FAF1: variants seen among roughly 807,000 people sequenced by gnomAD.
FAF1 encodes Fas associated factor 1, also known as FAS-associated factor 1.
A neutral mutation model predicts 92.5 loss-of-function variants in FAF1; 25 were observed. The observed-to-expected ratio is 0.27, with a 90% confidence interval of 0.20 to 0.38. The LOEUF (loss-of-function observed/expected upper bound fraction) is 0.38, where lower values mean the gene tolerates loss of function less well. FAF1 is among the 10% of genes least tolerant of loss of function. FAF1 has a pLI of 1.00. For missense variants in FAF1, 636 were observed against 793.3 expected (o/e 0.80, Z 2.38); for synonymous variants, 234 against 273.2 (o/e 0.86, Z 1.42).
chr1:50,869,883 T>C (rs1479893256), intron 1 of FAF1, among the ~76,000 whole-genome samples: 3 of 152,230 alleles, frequency 2.0e-5, no homozygotes, highest in Admixed American at 1.3e-4. Context: ...TTGTTAGTTC[T>C]ATGATTTTGG....
chr1:50,916,740 A>G (rs894607100), intron 1 of FAF1, among the ~76,000 whole-genome samples: 1 of 152,262 alleles, frequency 6.6e-6, no homozygotes, highest in Admixed American at 6.5e-5. Context: ...TTAGGGAAAC[A>G]TAGAAATGAA....
intron 15 of FAF1, among the ~76,000 whole-genome samples, chr1:50,530,374 TA>T (rs1291652679): frequency 6.6e-6 from 1 of 151,806 alleles, no homozygotes; most frequent in Admixed American, 6.6e-5. Context: ...AGTTTTGCTT[TA>T]ATTTTTGTAC....
intron 7 of FAF1, among the ~76,000 whole-genome samples, chr1:50,703,159 T>C (rs1359324233): frequency 6.6e-6 from 1 of 152,140 alleles, no homozygotes; most frequent in Non-Finnish European, 1.5e-5. Context: ...GATAGATTAA[T>C]TTACAATTTA....
rs546461666 is a variant in FAF1 at position 50,558,976 on chromosome 1, C to T, written c.1268+8101G>A. On this transcript the variant is annotated intron_variant, in intron 13 of 18. Transcript: ENST00000396153. ...AAAAGGATAATCTATTTTGGCCGGA[C>T]GAGGAGGCTCATGCCTGTAATCCCA... 2.6e-5 allele frequency among the ~76,000 whole-genome samples: 4 copies of T among 152,182 alleles called. No individual in the cohort carries two copies. The South Asian group carries it at 8.3e-4, about 32-fold the overall frequency.
chr1:50,771,449 T>C (rs1305959097), intron 4 of FAF1, among the ~76,000 whole-genome samples: 1 of 152,096 alleles, frequency 6.6e-6, no homozygotes, highest in African/African-American at 2.4e-5. Context: ...CATTAAAAAG[T>C]AGGCAAAGGA....
At chr1:50,672,360 T>A (rs1655934498) in intron 7 of FAF1, among the ~76,000 whole-genome samples, 1 of 151,370 alleles carries the variant, frequency 6.6e-6, no homozygotes, top group Non-Finnish European at 1.5e-5. Flanking sequence ...TTTGTTTTGT[T>A]TTGATTTTTT....
intron 15 of FAF1, among the ~76,000 whole-genome samples, chr1:50,527,010 A>G (rs528822796): frequency 4.6e-5 from 7 of 152,118 alleles, no homozygotes; most frequent in Non-Finnish European, 1.0e-4. Flanking sequence ...GCGTGCCACC[A>G]TGCCCAGCAA....
chr1:50,522,511 C>T (rs1432694423), intron 15 of FAF1, among the ~76,000 whole-genome samples: 1 of 152,168 alleles, frequency 6.6e-6, no homozygotes, highest in Non-Finnish European at 1.5e-5. Flanking sequence ...CTTTAAGATA[C>T]TTCACCTGAC....
chr1:50,859,754 A>G (rs1315984746), intron 1 of FAF1, among the ~76,000 whole-genome samples: 2 of 151,666 alleles, frequency 1.3e-5, no homozygotes, highest in Admixed American at 6.6e-5. Flanking sequence ...AAAAACTAAA[A>G]TTCATATGGA....
At chr1:50,556,278 A>G (rs1176483430) in intron 13 of FAF1, among the ~76,000 whole-genome samples, 1 of 151,540 alleles carries the variant, frequency 6.6e-6, no homozygotes, top group Non-Finnish European at 1.5e-5. Context: ...GTCTTCTGCA[A>G]CAACCTGGAT....
At chr1:50,598,931 T>C (rs768430099) in intron 8 of FAF1, among the ~76,000 whole-genome samples, 3 of 151,714 alleles carry the variant, frequency 2.0e-5, no homozygotes, top group Non-Finnish European at 4.4e-5. Flanking sequence ...GATTGTGCCA[T>C]TGCACTCCAA....
intron 1 of FAF1, among the ~76,000 whole-genome samples, chr1:50,927,667 GGAA>G (rs1404087934): frequency 6.6e-6 from 1 of 152,158 alleles, no homozygotes; most frequent in Non-Finnish European, 1.5e-5. Flanking sequence ...GTAATTGAAT[GGAA>G]GAAGGAGGCT....
At chr1:50,527,702 AG>A (rs1243938628) in intron 15 of FAF1, among the ~76,000 whole-genome samples, 4 of 152,156 alleles carry the variant, frequency 2.6e-5, no homozygotes, top group African/African-American at 9.7e-5. Flanking sequence ...TCTCTCTAGT[AG>A]TGTTCACAAT....
At chr1:50,785,836 AC>A (rs1661341329) in intron 4 of FAF1, among the ~76,000 whole-genome samples, 3 of 152,166 alleles carry the variant, frequency 2.0e-5, no homozygotes, top group African/African-American at 7.2e-5. Context: ...TGAAATATCC[AC>A]ACTCCCATGG....
At position 50,618,729 on chromosome 1, in the gene FAF1, G is replaced by A. The variant is rs75255087; in HGVS notation, c.745-22513C>T. Among the ~76,000 whole-genome samples, 1,174 of 150,728 alleles carry A rather than the reference G, an allele frequency of 7.8e-3. 13 individuals are homozygous for A. Among genetic ancestry groups the A allele is most frequent in the African/African-American group, 0.027 (1,131 of 41,130 alleles). On this transcript the variant is annotated intron_variant, in intron 8 of 18. Coordinates refer to ENST00000396153, the MANE Select transcript of FAF1 (RefSeq NM_007051.3). ...AATTTTTACTAACATTTGTTTTATC[G>A]AATATAAGAATAGCAAAGCTTGCTT...
At chr1:50,528,001 G>T (rs188415813) in intron 15 of FAF1, among the ~76,000 whole-genome samples, 1 of 151,836 alleles carries the variant, frequency 6.6e-6, no homozygotes, top group Non-Finnish European at 1.5e-5. Flanking sequence ...CTCCCGAGTC[G>T]CTGGGACTAC....
intron 1 of FAF1, among the ~76,000 whole-genome samples, chr1:50,941,852 A>C (rs1645136088): frequency 6.6e-6 from 1 of 152,230 alleles, no homozygotes; most frequent in Non-Finnish European, 1.5e-5. Flanking sequence ...TTTCTATTTA[A>C]AATTCATGTA....
intron 5 of FAF1, among the ~76,000 whole-genome samples, chr1:50,741,728 G>C (rs780238656): frequency 6.6e-6 from 1 of 152,220 alleles, no homozygotes; most frequent in Non-Finnish European, 1.5e-5. Context: ...GGTGCTGTAA[G>C]AAATGAGAAA....
intron 7 of FAF1, among the ~76,000 whole-genome samples, chr1:50,659,412 G>A (rs1181145409): frequency 6.6e-6 from 1 of 152,170 alleles, no homozygotes; most frequent in East Asian, 1.9e-4. Flanking sequence ...GGACTTGAGA[G>A]CACTTTAGAG....
Sources: allele counts gnomAD v4.1 joint callset (sites outside exome capture counted in the v4.1 genomes callset), GRCh38; gene constraint gnomAD v4.1.1; transcripts MANE v1.5; gene names NCBI Gene and HGNC (gene_info 2026-07-23, HGNC 2026-07-21).